Variants in WASF3 observed in about 807,000 individuals in gnomAD.
WASF3 encodes WASP family member 3.
WASF3 carries 11 observed loss-of-function variants against 46.6 expected under a neutral mutation model. The ratio of observed to expected loss-of-function variants is 0.24; its 90% CI spans 0.15 to 0.39. The LOEUF is 0.39. WASF3 is among the 10% of genes least tolerant of loss of function. WASF3 has a pLI of 1.00. For synonymous variants in WASF3, 242 were observed against 259.7 expected, an observed-to-expected ratio of 0.93 and a Z score of 0.65; for missense variants, 576 against 669.8, an observed-to-expected ratio of 0.86 and a Z score of 1.55.
At chr13:26,566,065 A>G (rs1018931146) in intron 1 of WASF3, among the ~76,000 whole-genome samples, 2 of 152,174 alleles carry the variant, frequency 1.3e-5, no homozygotes, top group Non-Finnish European at 1.5e-5. Flanking sequence ...GCCACACAGG[A>G]GTTTAGAAAT....
In WASF3 at chr13:26,612,807, A is replaced by T. The variant is rs73168005; in HGVS notation, c.-108-154A>T. Among the ~76,000 whole-genome samples the T allele has an allele frequency of 8.9e-3, 1,356 of 152,334 alleles. 10 individuals are homozygous for T. Among genetic ancestry groups the T allele is most frequent in the Middle Eastern group, 0.017 (5 of 294 alleles). On this transcript the variant is annotated intron_variant, in intron 1 of 9. Transcript: ENST00000335327. ...AATTATACAGGATTTCACACACCTT[A>T]TTAGCTCCTTACTTAAAATAATTAA...
chr13:26,565,911 A>G (rs1879450458), intron 1 of WASF3, among the ~76,000 whole-genome samples: 1 of 152,198 alleles, frequency 6.6e-6, no homozygotes, highest in Non-Finnish European at 1.5e-5. Context: ...CATTTCTGAC[A>G]TGTCCAGTTC....
intron 1 of WASF3, among the ~76,000 whole-genome samples, chr13:26,587,165 A>C: frequency 7.2e-6 from 1 of 139,640 alleles, no homozygotes; most frequent in Non-Finnish European, 1.6e-5. Context: ...AAGAATCCTC[A>C]TTTTTTTTGC....
upstream of WASF3, among the ~76,000 whole-genome samples, chr13:26,553,791 T>C (rs1168084898): frequency 5.4e-5 from 8 of 148,526 alleles, no homozygotes; most frequent in Non-Finnish European, 1.0e-4. Context: ...CACTCCAGCC[T>C]GGGCGACAGA....
intron 1 of WASF3, among the ~76,000 whole-genome samples, chr13:26,572,845 G>T (rs1023681081): frequency 2.0e-5 from 3 of 152,068 alleles, no homozygotes; most frequent in African/African-American, 4.8e-5. Context: ...GAGCCACCGC[G>T]CCTGGCCTGG....
chr13:26,580,560 A>C (rs1286705125), intron 1 of WASF3, among the ~76,000 whole-genome samples: 3 of 149,638 alleles, frequency 2.0e-5, no homozygotes, highest in African/African-American at 7.4e-5. Flanking sequence ...TTTTGGTTTT[A>C]TTTTGGGGGC....
chr13:26,646,321 A>G (rs1327471045), intron 3 of WASF3, among the ~76,000 whole-genome samples: 2 of 152,224 alleles, frequency 1.3e-5, no homozygotes, highest in Admixed American at 1.3e-4. Context: ...AAATTTTGTA[A>G]TCATTCATCA....
At chr13:26,577,502 C>T (rs1879838089) in intron 1 of WASF3, 2 of 1,261,676 alleles carry the variant, frequency 1.6e-6, no homozygotes, top group African/African-American at 1.5e-5. Flanking sequence ...CATTTATCCT[C>T]TCCATGATGT....
intron 1 of WASF3, among the ~76,000 whole-genome samples, chr13:26,588,416 C>T (rs954918979): frequency 2.0e-5 from 3 of 152,178 alleles, no homozygotes; most frequent in Non-Finnish European, 2.9e-5. Flanking sequence ...TTCCAGATTT[C>T]TGGGAGGGAA....
chr13:26,645,119 C>T (rs560389317), intron 3 of WASF3, among the ~76,000 whole-genome samples: 4 of 152,266 alleles, frequency 2.6e-5, no homozygotes, highest in Non-Finnish European at 4.4e-5. Context: ...AACAATTCCG[C>T]GTTGAAATCC....
In WASF3 at chr13:26,682,953, C is replaced by T; in HGVS notation, c.1330C>T (p.Leu444Phe). ...ACCAATCAGTGATGCTCGAAGCGAC[C>T]TCCTCGCTGCTATTCGAATGGGTAA... is the stretch of plus-strand genomic sequence containing the variant. ...QPPISDARSD[L>F]LAAIRMGIQL... is the part of the protein sequence containing the mutation. Residue 444 changes from leucine to phenylalanine, a missense_variant, in exon 9 of 10, where the codon CTC becomes TTC. Leu to Phe is a conservative substitution (Grantham distance 22, BLOSUM62 0). Coordinates refer to ENST00000335327, the MANE Select transcript of WASF3 (RefSeq NM_006646.6). This position sits in a 1 kb window ranked among gnomAD's most constrained non-coding sequence, Gnocchi z 4.4. 6.2e-7 allele frequency: 1 copy of T among 1,605,596 alleles called. No individual in the cohort carries two copies. The highest frequency in any genetic ancestry group is 8.5e-7 in the Non-Finnish European group (1 of 1,179,912).
At chr13:26,670,449 C>T (rs1473523821) in intron 5 of WASF3, among the ~76,000 whole-genome samples, 1 of 152,054 alleles carries the variant, frequency 6.6e-6, no homozygotes, top group Non-Finnish European at 1.5e-5. Flanking sequence ...ACCTGTGTAA[C>T]AAACCTACAT....
chr13:26,667,757 A>G (rs1882816053), intron 5 of WASF3, 87 bp downstream of exon 5: 1 of 1,294,674 alleles, frequency 7.7e-7, no homozygotes, highest in South Asian at 1.6e-5. Context: ...TTGTGTGGGA[A>G]TGTCCTTGAT....
chr13:26,679,766 T>G lies in WASF3; in HGVS notation c.717-1288T>G, dbSNP rs1304861567. ...TTAAGTCATTTGCTAGCAGCTCACCTAGTTCAAAAGACATAATCAGAAGTG... is the reference window on the plus strand; with the variant it reads ...TTAAGTCATTTGCTAGCAGCTCACCGAGTTCAAAAGACATAATCAGAAGTG... On this transcript the variant is annotated intron_variant, in intron 7 of 9. Coordinates refer to ENST00000335327, the MANE Select transcript of WASF3 (RefSeq NM_006646.6). The surrounding 1 kb of genome is among the most constrained non-coding windows in gnomAD (Gnocchi z 4.8). Among the ~76,000 whole-genome samples the G allele has an allele frequency of 6.6e-6, 1 of 152,226 alleles. No homozygotes were observed. The highest frequency in any genetic ancestry group is 6.5e-5 in the Admixed American group (1 of 15,278).
intron 2 of WASF3, among the ~76,000 whole-genome samples, chr13:26,627,648 G>C (rs537810587): frequency 1.3e-5 from 2 of 151,990 alleles, no homozygotes; most frequent in African/African-American, 4.8e-5. Context: ...GAGAATCCTC[G>C]CAAATGGCAG....
intron 1 of WASF3, among the ~76,000 whole-genome samples, chr13:26,589,485 A>G (rs1880226798): frequency 6.6e-6 from 1 of 152,154 alleles, no homozygotes; most frequent in African/African-American, 2.4e-5. Context: ...GCAAGTGGTA[A>G]AGTCTTACTG....
chr13:26,570,851 T>C (rs929059700), intron 1 of WASF3, among the ~76,000 whole-genome samples: 2 of 152,342 alleles, frequency 1.3e-5, no homozygotes, highest in South Asian at 2.1e-4. Flanking sequence ...GATAAATGTA[T>C]ATGTAATCTT....
Position 26,568,946 on chromosome 13 carries a change from C to G in WASF3, c.-109+11127C>G, listed in dbSNP as rs141696640. On this transcript the variant is annotated intron_variant, in intron 1 of 9. Coordinates refer to ENST00000335327, the MANE Select transcript of WASF3 (RefSeq NM_006646.6). ...CTGTCTGGAGTTATTGGATATGACC[C>G]AATTAAACTTTGGAGGATGTCTGTA... 3.3e-5 allele frequency among the ~76,000 whole-genome samples: 5 copies of G among 152,176 alleles called. No homozygotes were observed. The East Asian group carries it at 7.7e-4, about 24-fold the overall frequency.
At chr13:26,669,338 A>G (rs1432168391) in intron 5 of WASF3, among the ~76,000 whole-genome samples, 2 of 148,972 alleles carry the variant, frequency 1.3e-5, no homozygotes, top group Admixed American at 1.4e-4. Context: ...CAGCCTCCTG[A>G]TATCTTTGAC....
Sources: gnomAD v4.1 joint callset for allele counts (sites outside exome capture counted in the v4.1 genomes callset) on GRCh38, gnomAD v4.1.1 for gene constraint, Gnocchi (gnomAD v3.1) non-coding constraint, MANE v1.5 for transcripts, NCBI Gene and HGNC (gene_info 2026-07-23, HGNC 2026-07-21) for gene names.